Variants in MYBPC1 observed in about 807,000 individuals in gnomAD.
MYBPC1 encodes myosin-binding protein C, slow-type.
MYBPC1 carries 52 observed loss-of-function variants against 147.1 expected under a neutral mutation model. The ratio of observed to expected loss-of-function variants is 0.35; its 90% CI spans 0.28 to 0.45. MYBPC1 has a LOEUF of 0.45. Ranked by LOEUF, MYBPC1 falls within the 20% of genes least tolerant of loss-of-function variation. The probability of loss-of-function intolerance (pLI) is 1.00; values close to 1 mark genes in which losing one functional copy is unlikely to be tolerated. For synonymous variants in MYBPC1, 477 were observed against 475.9 expected (o/e 1.00, Z -0.03); for missense variants, 1,228 against 1,440.3 (o/e 0.85, Z 2.39).
At chr12:101,617,753 G>T (rs369252756) in intron 3 of MYBPC1, among the ~76,000 whole-genome samples, 3 of 152,258 alleles carry the variant, frequency 2.0e-5, no homozygotes, top group South Asian at 2.1e-4. Context: ...AAGAAGACAT[G>T]TTGCCCCTTC....
chr12:101,606,203 A>AAAACACACACACACAC (rs1555221849), intron 1 of MYBPC1, among the ~76,000 whole-genome samples: 2 of 145,784 alleles, frequency 1.4e-5, no homozygotes, highest in African/African-American at 5.1e-5. Context: ...TCAAAAAAGA[A>AAAACACACACACACAC]ACACACACAC....
At chr12:101,683,568 T>G (rs1951162337) in intron 30 of MYBPC1, among the ~76,000 whole-genome samples, 1 of 152,232 alleles carries the variant, frequency 6.6e-6, no homozygotes, top group Non-Finnish European at 1.5e-5. Context: ...TTCACGTTTA[T>G]GAACTTAAAA....
intron 1 of MYBPC1, among the ~76,000 whole-genome samples, chr12:101,599,289 T>C (rs537313472): frequency 6.6e-6 from 1 of 152,204 alleles, no homozygotes; most frequent in Non-Finnish European, 1.5e-5. Flanking sequence ...GATGGGACCA[T>C]GGTAATAGAG....
In MYBPC1 at chr12:101,661,187, G is replaced by A. The variant is rs1266656681; in HGVS notation, c.1957G>A (p.Val653Met). 3 of 1,613,714 alleles carry A rather than the reference G, an allele frequency of 1.9e-6. No homozygotes were observed. The highest frequency in any genetic ancestry group is 1.7e-5 in the Admixed American group (1 of 60,012). ...CCCTGATCCTCCAGTGGCACCGACT[G>A]TGACAGAGGTGGGAGATGACTGGTG... ...DFPDPPVAPT[V>M]TEVGDDWCIM... The change falls in exon 20 of 32, where the codon GTG becomes ATG. Residue 653 changes from valine (V) to methionine (M), a missense_variant. This residue lies in a region of MYBPC1 where 1,077 missense variants were observed against 1,314.2 expected (regional missense o/e 0.82). Transcript: ENST00000361466.
At chr12:101,629,402 A>G (rs1213667767) in intron 5 of MYBPC1, 32 bp from the exon 6 acceptor site, 2 of 1,461,316 alleles carry the variant, frequency 1.4e-6, no homozygotes, top group African/African-American at 2.8e-5. Context: ...CCTGGCCCTG[A>G]AATAATCCTT....
At chr12:101,678,933 G>A (rs907804931) in intron 28 of MYBPC1, among the ~76,000 whole-genome samples, 4 of 152,130 alleles carry the variant, frequency 2.6e-5, no homozygotes, top group African/African-American at 9.7e-5. Flanking sequence ...GGCTGAGGCA[G>A]GCGGATCACT....
intron 11 of MYBPC1, among the ~76,000 whole-genome samples, chr12:101,644,250 C>T (rs825058): frequency 0.62 from 94,326 of 151,814 alleles, 30,506 homozygotes; most frequent in African/African-American, 0.8. Context: ...TTGGCCAGGC[C>T]GGTTTCGATC....
downstream of MYBPC1, among the ~76,000 whole-genome samples, chr12:101,690,248 T>TC: frequency 6.6e-6 from 1 of 152,226 alleles, no homozygotes; most frequent in East Asian, 1.9e-4. Flanking sequence ...TTTAACAGGA[T>TC]CCCCAGTGAT....
At chr12:101,636,785 C>T in intron 10 of MYBPC1, 57 bp downstream of exon 10, 2 of 1,418,124 alleles carry the variant, frequency 1.4e-6, no homozygotes, top group Admixed American at 1.7e-5. Context: ...CAGACACCCA[C>T]TCAGAGAAGT....
At chr12:101,673,891 A>G (rs956826924) in intron 25 of MYBPC1, among the ~76,000 whole-genome samples, 12 of 152,262 alleles carry the variant, frequency 7.9e-5, no homozygotes, top group African/African-American at 2.9e-4. Flanking sequence ...CGTCTCTACT[A>G]AAAATACAAA....
At chr12:101,619,427 A>C (rs1222032038) in intron 3 of MYBPC1, among the ~76,000 whole-genome samples, 2 of 152,144 alleles carry the variant, frequency 1.3e-5, no homozygotes, top group African/African-American at 4.8e-5. Context: ...GCTTTTTGAC[A>C]TTGGCCCCCT....
Position 101,636,675 on chromosome 12 carries a change from A to G in MYBPC1, c.612A>G (p.Gly204=). The change falls in exon 10 of 32, where the codon GGA becomes GGG. Residue 204 remains glycine (G), a synonymous_variant. Transcript: ENST00000361466. The part of the protein sequence containing the change: ...IDIRSAFKRS[G]EGQEDAGELD... ...GCTTTTCTTTTGTTAACGACAGTGG[A>G]GAAGGTCAAGAGGATGCAGGAGAAC... 1.2e-6 allele frequency: 2 copies of G among 1,613,586 alleles called. No homozygotes were observed. Among genetic ancestry groups the G allele is most frequent in the South Asian group, 2.2e-5 (2 of 91,068 alleles).
chr12:101,630,004 T>G (rs1889560194), intron 6 of MYBPC1, among the ~76,000 whole-genome samples: 2 of 152,210 alleles, frequency 1.3e-5, no homozygotes, highest in Admixed American at 1.3e-4. Context: ...AACATTTTCA[T>G]CACCCCAAAA....
downstream of MYBPC1, among the ~76,000 whole-genome samples, chr12:101,690,099 C>A (rs575103978): frequency 6.6e-6 from 1 of 152,196 alleles, no homozygotes; most frequent in South Asian, 2.1e-4. Context: ...CACTTGAACC[C>A]GGGAGGCGGA....
intron 10 of MYBPC1, among the ~76,000 whole-genome samples, chr12:101,641,767 A>T (rs867959926): frequency 2.0e-5 from 3 of 152,214 alleles, no homozygotes; most frequent in African/African-American, 7.2e-5. Context: ...AAAAAATTTT[A>T]AAACCATCAG....
At chr12:101,657,457 G>A (rs1412642491) in intron 18 of MYBPC1, among the ~76,000 whole-genome samples, 1 of 152,120 alleles carries the variant, frequency 6.6e-6, no homozygotes, top group Non-Finnish European at 1.5e-5. Flanking sequence ...CCCTCTAGCC[G>A]GGCTAAGTAG....
chr12:101,671,757 T>G (rs1898786442), intron 24 of MYBPC1, among the ~76,000 whole-genome samples: 1 of 152,134 alleles, frequency 6.6e-6, no homozygotes, highest in African/African-American at 2.4e-5. Flanking sequence ...GTGTTCAGCT[T>G]CTGTCACTGA....
intron 9 of MYBPC1, among the ~76,000 whole-genome samples, chr12:101,636,231 T>C (rs1338820198): frequency 6.6e-6 from 1 of 152,236 alleles, no homozygotes; most frequent in African/African-American, 2.4e-5. Context: ...TGTACTTATA[T>C]ATCTGACATT....
chr12:101,598,017 T>C (rs1420928972), intron 1 of MYBPC1, among the ~76,000 whole-genome samples: 1 of 95,332 alleles, frequency 1.0e-5, no homozygotes, highest in Non-Finnish European at 2.4e-5. Context: ...ATCACCTTTC[T>C]TTTTTTTTTT....
Sources: gnomAD v4.1 joint callset for allele counts (sites outside exome capture counted in the v4.1 genomes callset) on GRCh38, gnomAD v4.1.1 for gene constraint, gnomAD v4.1.1 regional missense constraint, MANE v1.5 for transcripts, NCBI Gene and HGNC (gene_info 2026-07-23, HGNC 2026-07-21) for gene names.